The following FAAH2 variants were observed in gnomAD, a reference collection of about 807,000 sequenced individuals.
FAAH2 encodes fatty-acid amide hydrolase 2.
FAAH2 carries 60 observed loss-of-function variants against 36.9 expected under a neutral mutation model. The ratio of observed to expected loss-of-function variants is 1.63; its 90% CI spans 1.32 to 2.02. The LOEUF (loss-of-function observed/expected upper bound fraction) is 2.02. FAAH2 is among the 30% of genes most tolerant of loss of function. FAAH2 has a pLI of 0.00. For missense variants in FAAH2, 689 were observed against 397.5 expected, an observed-to-expected ratio of 1.73 and a Z score of -6.23; for synonymous variants, 214 against 143.8, an observed-to-expected ratio of 1.49 and a Z score of -3.49.
At chrX:57,388,462 G>T (rs1196381376) in intron 7 of FAAH2, among the ~76,000 whole-genome samples, 1 of 111,274 alleles carries the variant, frequency 9.0e-6, no homozygotes, top group Non-Finnish European at 1.9e-5. Context: ...CTTGTGTGCT[G>T]TTGGATTTTT....
intron 2 of FAAH2, among the ~76,000 whole-genome samples, chrX:57,305,913 C>T (rs956949322): frequency 1.8e-5 from 2 of 111,588 alleles, no homozygotes; most frequent in Non-Finnish European, 3.8e-5. Flanking sequence ...GGACACTGTG[C>T]CTCAAGGTTT....
intron 7 of FAAH2, among the ~76,000 whole-genome samples, chrX:57,418,457 C>A (rs181154810): frequency 5.0e-4 from 56 of 111,141 alleles, no homozygotes; most frequent in African/African-American, 1.8e-3. Context: ...GGCACAGTCC[C>A]TTATGGCTTC....
rs955641655 is a variant in FAAH2, at chrX:57,394,506, T to C, written c.996+13477T>C. 6.6e-5 allele frequency: 79 copies of C among 1,205,507 alleles called. No individual in the cohort carries two copies. In the South Asian group the frequency reaches 1.4e-3, roughly 21 times the overall value. The stretch of plus-strand genomic sequence containing the variant: ...ATATCAATGTCACTTGGAACAGGTG[T>C]CTTGAGGTTAAGGTTGTTATACTGA... On this transcript the variant is annotated intron_variant, in intron 7 of 10. Coordinates refer to ENST00000374900, the MANE Select transcript of FAAH2 (RefSeq NM_174912.4).
chrX:57,441,603 T>C (rs1315920427), intron 8 of FAAH2, among the ~76,000 whole-genome samples: 1 of 110,548 alleles, frequency 9.0e-6, no homozygotes, highest in Non-Finnish European at 1.9e-5. Context: ...TGTGTGTCTA[T>C]CTCCTTCAGT....
chrX:57,287,192 A>G (rs1303861333), intron 1 of FAAH2, among the ~76,000 whole-genome samples, 175 bp downstream of exon 1: 1 of 111,042 alleles, frequency 9.0e-6, no homozygotes, highest in Non-Finnish European at 1.9e-5. Flanking sequence ...TATTTTTACC[A>G]AGGACATTTA....
upstream of FAAH2, among the ~76,000 whole-genome samples, chrX:57,281,990 T>C (rs1569228950): frequency 8.9e-6 from 1 of 112,184 alleles, no homozygotes; most frequent in East Asian, 2.8e-4. Context: ...TTCGGTTGAT[T>C]ACATGTCTTT....
At chrX:57,175,243 C>T in the FAAH2 span, among the ~76,000 whole-genome samples, 1 of 111,241 alleles carries the variant, frequency 9.0e-6, no homozygotes, top group Non-Finnish European at 1.9e-5. Flanking sequence ...GTTTTATGAA[C>T]CTAGGAGCTC....
the FAAH2 span, among the ~76,000 whole-genome samples, chrX:57,276,866 C>T: frequency 2.7e-5 from 3 of 111,503 alleles, no homozygotes; most frequent in Non-Finnish European, 5.6e-5. Context: ...CCTCCCAAGA[C>T]AAAACCAGGA....
chrX:57,271,588 G>A, the FAAH2 span, among the ~76,000 whole-genome samples: 1 of 112,277 alleles, frequency 8.9e-6, no homozygotes, highest in African/African-American at 3.2e-5. Flanking sequence ...AATCTTTGCT[G>A]CTCTGCAGCC....
chrX:57,484,902 G>T (rs183830921), intron 10 of FAAH2, among the ~76,000 whole-genome samples: 2 of 111,237 alleles, frequency 1.8e-5, no homozygotes, highest in East Asian at 5.7e-4. Flanking sequence ...AGAGTTCAGT[G>T]CTGTCTGTGT....
the FAAH2 span, among the ~76,000 whole-genome samples, chrX:57,261,572 A>AG: frequency 4.6e-4 from 50 of 107,950 alleles, no homozygotes; most frequent in African/African-American, 1.5e-3. Flanking sequence ...AAAAAAAAAA[A>AG]AAAGAAAAAA....
At chrX:57,161,074 T>G in the FAAH2 span, among the ~76,000 whole-genome samples, 3 of 111,960 alleles carry the variant, frequency 2.7e-5, no homozygotes, top group Admixed American at 9.5e-5. Context: ...TGTTCTTGTT[T>G]GTTTCAAAGA....
At chrX:57,275,292 C>T in the FAAH2 span, among the ~76,000 whole-genome samples, 3 of 112,445 alleles carry the variant, frequency 2.7e-5, no homozygotes, top group South Asian at 3.6e-4. Flanking sequence ...CTCTTCATTG[C>T]TGAACATATT....
intron 7 of FAAH2, among the ~76,000 whole-genome samples, chrX:57,421,491 G>A (rs762303962): frequency 9.0e-6 from 1 of 111,518 alleles, no homozygotes; most frequent in African/African-American, 3.3e-5. Context: ...CACGGTGCCA[G>A]TATGGTCAGG....
At chrX:57,472,265 C>G (rs1037863490) in intron 10 of FAAH2, among the ~76,000 whole-genome samples, 1 of 112,024 alleles carries the variant, frequency 8.9e-6, no homozygotes, top group East Asian at 2.8e-4. Context: ...TACTAAGGCG[C>G]TTCTGCACAG....
chrX:57,209,083 C>T, the FAAH2 span, among the ~76,000 whole-genome samples: 2 of 111,949 alleles, frequency 1.8e-5, no homozygotes, highest in Non-Finnish European at 3.8e-5. Context: ...GAAGTTGGCT[C>T]CCCTCTGTCC....
intron 10 of FAAH2, among the ~76,000 whole-genome samples, chrX:57,471,408 C>A (rs2057163057): frequency 8.9e-6 from 1 of 112,092 alleles, no homozygotes; most frequent in African/African-American, 3.2e-5. Context: ...TCTCAGGATA[C>A]AACATCAATG....
chrX:57,366,586 G>A (rs1415361002), intron 5 of FAAH2, among the ~76,000 whole-genome samples: 1 of 112,514 alleles, frequency 8.9e-6, no homozygotes, highest in Non-Finnish European at 1.9e-5. Context: ...CCATACGCAT[G>A]TGCATGCTGG....
intron 3 of FAAH2, among the ~76,000 whole-genome samples, chrX:57,327,755 G>T (rs982800926): frequency 3.6e-5 from 4 of 111,202 alleles, no homozygotes; most frequent in Non-Finnish European, 7.5e-5. Context: ...CCTTTTTCAA[G>T]TTTTTTTAAC....
Sources: gnomAD v4.1 joint callset for allele counts (sites outside exome capture counted in the v4.1 genomes callset) on GRCh38, gnomAD v4.1.1 for gene constraint, MANE v1.5 for transcripts, NCBI Gene and HGNC (gene_info 2026-07-23, HGNC 2026-07-21) for gene names.